The following EHD3 variants were observed in gnomAD, a reference collection of about 807,000 sequenced individuals.
EHD3 encodes the protein EH domain containing 3.
EHD3 carries 17 observed loss-of-function variants against 43.0 expected under a neutral mutation model. The observed-to-expected ratio is 0.40, with a 90% CI of 0.27 to 0.59. EHD3 has a LOEUF of 0.59. Ranked by LOEUF, EHD3 falls within the 20% of genes least tolerant of loss-of-function variation. The pLI is 0.49. For synonymous variants in EHD3, 313 were observed against 289.5 expected (o/e 1.08, Z -0.82); for missense variants, 594 against 705.6 (o/e 0.84, Z 1.79).
chr2:31,268,595 C>T lies in EHD3; in HGVS notation c.*1891C>T, dbSNP rs1405820739. ...AGGCACAGCTGGTGGAGCCACCGCT[C>T]CCTGCTCCTCTGGAGTGAAGATGTT... is the stretch of plus-strand genomic sequence containing the variant. On this transcript the variant is annotated 3_prime_UTR_variant, in exon 6 of 6. Transcript: ENST00000322054. The T allele has an allele frequency of 6.6e-6, 1 of 152,244 alleles. No individual in the cohort carries two copies. The highest frequency in any genetic ancestry group is 1.9e-4 in the East Asian group (1 of 5,190). The allele number at this position is 152,244 out of a possible 1,614,324, so 9.4% of individuals were successfully genotyped here. A position where few individuals can be genotyped will look rare whatever the true frequency, so the allele number is the denominator to read the frequency against.
At chr2:31,239,948 G>C (rs1683388182) in intron 1 of EHD3, among the ~76,000 whole-genome samples, 1 of 151,744 alleles carries the variant, frequency 6.6e-6, no homozygotes, top group Non-Finnish European at 1.5e-5. Context: ...CTGAGCTCTG[G>C]GGACGGTGCC....
At chr2:31,261,027 G>T in intron 4 of EHD3, 105 bp downstream of exon 4, 1 of 1,285,620 alleles carries the variant, frequency 7.8e-7, no homozygotes, top group East Asian at 2.4e-5. Context: ...TGCATCATGT[G>T]TGTGACACCA....
intron 1 of EHD3, among the ~76,000 whole-genome samples, chr2:31,239,160 T>TA (rs545858720): frequency 5.1e-4 from 78 of 152,272 alleles, no homozygotes; most frequent in African/African-American, 1.5e-3. Context: ...CCCCAGGCAT[T>TA]ACAGCGCCAC....
At chr2:31,236,715 G>A (rs116087550) in intron 1 of EHD3, among the ~76,000 whole-genome samples, 91 of 152,258 alleles carry the variant, frequency 6.0e-4, no homozygotes, top group African/African-American at 2.2e-3. Context: ...TACAATCATT[G>A]ACAAGACAAC....
chr2:31,234,293 CCCCGGCTTGG>C lies in EHD3; in HGVS notation c.-328_-319del. On this transcript the variant is annotated 5_prime_UTR_variant, in exon 1 of 6. Coordinates refer to ENST00000322054, the MANE Select transcript of EHD3 (RefSeq NM_014600.3). ...GCGAGGGCTGGGGGCCGATCGGGGACCCCGGCTTGGGACCCCGGCATCTGGCAGTTTCCTT... is the reference window on the plus strand; with the variant it reads ...GCGAGGGCTGGGGGCCGATCGGGGACGACCCCGGCATCTGGCAGTTTCCTT... 7.4e-5 allele frequency: 3 copies of C among 40,738 alleles called. No homozygotes were observed. Among genetic ancestry groups the C allele is most frequent in the Non-Finnish European group, 1.7e-4 (3 of 17,468 alleles). 2.5% of individuals were successfully genotyped at this position (40,738 alleles called of 1,614,324 possible). A position where few individuals can be genotyped will look rare whatever the true frequency, so the allele number is the denominator to read the frequency against.
chr2:31,264,429 T>C (rs1683905763), intron 5 of EHD3, among the ~76,000 whole-genome samples: 1 of 152,148 alleles, frequency 6.6e-6, no homozygotes, highest in African/African-American at 2.4e-5. Context: ...CACTGTACAC[T>C]GCTGTAGACT....
chr2:31,234,810 G>A lies in EHD3; in HGVS notation c.189G>A (p.Leu63=), dbSNP rs756973373. 1 of 1,614,156 alleles carries A rather than the reference G, an allele frequency of 6.2e-7. No homozygotes were observed. The highest frequency in any genetic ancestry group is 1.7e-5 in the Admixed American group (1 of 60,030). The change falls in exon 1 of 6, where the codon CTG becomes CTA. Residue 63 remains leucine, a synonymous_variant. Coordinates refer to ENST00000322054, the MANE Select transcript of EHD3 (RefSeq NM_014600.3). ...ADFDNKPMVL[L]VGQYSTGKTT... ...TCGACAACAAGCCCATGGTTCTGCT[G>A]GTGGGCCAGTACTCCACTGGGAAGA...
intron 1 of EHD3, among the ~76,000 whole-genome samples, chr2:31,237,376 T>A (rs996818985): frequency 5.3e-5 from 8 of 152,108 alleles, no homozygotes; most frequent in African/African-American, 1.9e-4. Context: ...GATCATGCTA[T>A]ACATATAATT....
chr2:31,252,510 C>T (rs1445468990), intron 3 of EHD3, among the ~76,000 whole-genome samples: 2 of 152,192 alleles, frequency 1.3e-5, no homozygotes, highest in African/African-American at 2.4e-5. Flanking sequence ...GAGTCTCGCT[C>T]TGTCACCAAG....
At chr2:31,256,981 G>A (rs1279995855) in intron 3 of EHD3, among the ~76,000 whole-genome samples, 3 of 152,074 alleles carry the variant, frequency 2.0e-5, no homozygotes, top group South Asian at 2.1e-4. Flanking sequence ...CTGAGCCATT[G>A]AGCCAATATA....
At chr2:31,241,452 G>T (rs1683422530) in intron 1 of EHD3, among the ~76,000 whole-genome samples, 1 of 152,192 alleles carries the variant, frequency 6.6e-6, no homozygotes, top group African/African-American at 2.4e-5. Flanking sequence ...CAAATGGAAT[G>T]ATAATCTAGG....
chr2:31,248,073 A>G (rs1259963684), intron 2 of EHD3, among the ~76,000 whole-genome samples: 5 of 152,126 alleles, frequency 3.3e-5, no homozygotes, highest in Non-Finnish European at 7.4e-5. Context: ...TCCCTCTTGC[A>G]TGTGCCACCA....
chr2:31,252,801 C>A (rs1683664082), intron 3 of EHD3, among the ~76,000 whole-genome samples: 1 of 152,194 alleles, frequency 6.6e-6, no homozygotes, highest in Non-Finnish European at 1.5e-5. Flanking sequence ...CCCCCTACCT[C>A]TGGGAGAAAT....
At chr2:31,240,863 T>A (rs528687035) in intron 1 of EHD3, among the ~76,000 whole-genome samples, 5 of 152,276 alleles carry the variant, frequency 3.3e-5, no homozygotes, top group Admixed American at 3.3e-4. Flanking sequence ...CTTCCCGCAA[T>A]CCACTGTTGC....
intron 5 of EHD3, among the ~76,000 whole-genome samples, chr2:31,264,407 G>T (rs893188681): frequency 1.3e-5 from 2 of 152,084 alleles, no homozygotes. Flanking sequence ...TGAGTGTGAA[G>T]GCCTAGGACA....
chr2:31,235,958 C>T (rs1380311154), intron 1 of EHD3, among the ~76,000 whole-genome samples: 1 of 152,176 alleles, frequency 6.6e-6, no homozygotes, highest in Admixed American at 6.5e-5. Context: ...TTTGGTGGCC[C>T]CCCAAAGTCA....
chr2:31,254,358 G>T lies in EHD3; in HGVS notation c.502+4890G>T, dbSNP rs117748228. Among the ~76,000 whole-genome samples the T allele has an allele frequency of 3.3e-3, 499 of 152,304 alleles. 14 individuals are homozygous for T. The East Asian group carries it at 0.051, about 15-fold the overall frequency. The stretch of plus-strand genomic sequence containing the variant: ...GGGCACCCTCATTGGAGCAGAGCCT[G>T]CACTTAAAGGCCTCTGGGTCTTCCC... On this transcript the variant is annotated intron_variant, in intron 3 of 5. Coordinates refer to ENST00000322054, the MANE Select transcript of EHD3 (RefSeq NM_014600.3).
chr2:31,266,367 A>T lies in EHD3; in HGVS notation c.1271A>T (p.His424Leu). The T allele has an allele frequency of 1.2e-6, 2 of 1,614,104 alleles. No homozygotes were observed. The highest frequency in any genetic ancestry group is 8.5e-7 in the Non-Finnish European group (1 of 1,179,976). Residue 424 changes from histidine to leucine, a missense_variant, in exon 6 of 6, where the codon CAT (histidine) becomes CTT (leucine). By Grantham distance (99) the His-to-Leu change is moderately conservative. This residue lies in a region of EHD3 where 322 missense variants were observed against 348.0 expected (regional missense o/e 0.93). Transcript: ENST00000322054. The surrounding 1 kb of genome is among the most constrained non-coding windows in gnomAD (Gnocchi z 5.1). ...FEGTLHGPFG[H>L]GYGEGAGEGI... is the part of the protein sequence containing the mutation. ...GGCACCCTGCACGGCCCCTTTGGGC[A>T]TGGCTATGGGGAGGGGGCTGGAGAA...
intron 1 of EHD3, among the ~76,000 whole-genome samples, chr2:31,237,243 C>T (rs928314299): frequency 6.6e-6 from 1 of 151,602 alleles, no homozygotes; most frequent in African/African-American, 2.4e-5. Flanking sequence ...AAAAAGTCAC[C>T]CATAATCCCA....
Sources: gnomAD v4.1 joint callset for allele counts (sites outside exome capture counted in the v4.1 genomes callset) on GRCh38, gnomAD v4.1.1 for gene constraint, gnomAD v4.1.1 regional missense constraint, Gnocchi (gnomAD v3.1) non-coding constraint, MANE v1.5 for transcripts, NCBI Gene and HGNC (gene_info 2026-07-23, HGNC 2026-07-21) for gene names.